The following LHCGR variants were observed in gnomAD, a reference collection of about 807,000 sequenced individuals.
LHCGR encodes lutropin-choriogonadotropic hormone receptor.
Under a neutral mutation model 60.7 loss-of-function variants are expected in LHCGR, and 55 were observed. The observed-to-expected ratio is 0.91, with a 90% confidence interval of 0.73 to 1.13. The LOEUF (loss-of-function observed/expected upper bound fraction) is 1.13, where lower values mean the gene tolerates loss of function less well. Among genes scored for constraint, LHCGR ranks in the 50% most tolerant of loss-of-function variants. LHCGR has a pLI of 0.00. For synonymous variants in LHCGR, 337 were observed against 316.5 expected (o/e 1.06, Z -0.69); for missense variants, 862 against 836.0 (o/e 1.03, Z -0.38).
Position 48,723,615 on chromosome 2 carries a change from T to A in LHCGR, c.458+7A>T, listed in dbSNP as rs186129492. ...CTGTTATGCATAGCAATCAGCCTGG[T>A]ACTTACAGAATGAAATTTGATTCAG... On this transcript the variant is annotated splice_region_variant and intron_variant, in intron 5 of 10. Transcript: ENST00000294954. The A allele has an allele frequency of 5.1e-5, 82 of 1,611,466 alleles. No homozygotes were observed. Among genetic ancestry groups the A allele is most frequent in the Non-Finnish European group, 6.9e-5 (81 of 1,177,566 alleles).
At chr2:48,741,245 G>C (rs1210699897) in intron 1 of LHCGR, among the ~76,000 whole-genome samples, 1 of 152,162 alleles carries the variant, frequency 6.6e-6, no homozygotes, top group Non-Finnish European at 1.5e-5. Context: ...GGGGAGAATG[G>C]AACCAAGTTG....
At chr2:48,715,876 A>G (rs964716424) in intron 6 of LHCGR, among the ~76,000 whole-genome samples, 1 of 152,122 alleles carries the variant, frequency 6.6e-6, no homozygotes, top group Non-Finnish European at 1.5e-5. Flanking sequence ...GGCAGGGGAG[A>G]ATATTTAATT....
intron 1 of LHCGR, 141 bp downstream of exon 1, chr2:48,755,370 C>A (rs759370684): frequency 1.3e-5 from 8 of 623,786 alleles, no homozygotes; most frequent in East Asian, 1.1e-4. Context: ...CACCCTAAAA[C>A]GTGGGGGAAA....
At chr2:48,697,871 G>A (rs1352629885) in intron 9 of LHCGR, among the ~76,000 whole-genome samples, 1 of 152,076 alleles carries the variant, frequency 6.6e-6, no homozygotes, top group Non-Finnish European at 1.5e-5. Flanking sequence ...GAAAATATCA[G>A]CATATTACAT....
At chr2:48,689,070 T>C (rs1156613072) in intron 10 of LHCGR, among the ~76,000 whole-genome samples, 1 of 151,670 alleles carries the variant, frequency 6.6e-6, no homozygotes, top group Non-Finnish European at 1.5e-5. Context: ...CACACATATA[T>C]ACACACATAT....
At chr2:48,731,849 C>T (rs1669007274) in intron 1 of LHCGR, among the ~76,000 whole-genome samples, 1 of 152,134 alleles carries the variant, frequency 6.6e-6, no homozygotes, top group Non-Finnish European at 1.5e-5. Flanking sequence ...ACAGAAGATT[C>T]ATTAAGAACA....
rs936438880 is a variant in LHCGR, at chr2:48,698,748, T to C, written c.733A>G (p.Ile245Val). 1.4e-5 allele frequency: 22 copies of C among 1,614,036 alleles called. No homozygotes were observed. Among genetic ancestry groups the C allele is most frequent in the Non-Finnish European group, 1.8e-5 (21 of 1,179,992 alleles). Residue 245 changes from isoleucine (I) to valine (V), a missense_variant, in exon 9 of 11, where the codon ATT becomes GTT. By Grantham distance (29) the Ile-to-Val change is conservative (BLOSUM62 3). Transcript: ENST00000294954. ...QALPSYGLES[I>V]QRLIATSSYS... The stretch of plus-strand genomic sequence containing the variant: ...GATGACGTGGCAATTAGCCTCTGAA[T>C]GGACTCTAGGCCATAGCTCGGCAGG...
intron 3 of LHCGR, among the ~76,000 whole-genome samples, chr2:48,726,892 C>T (rs1020625539): frequency 2.0e-5 from 3 of 152,170 alleles, no homozygotes; most frequent in South Asian, 2.1e-4. Context: ...GATTTGTCTT[C>T]GGTCACACAG....
intron 7 of LHCGR, 80 bp downstream of exon 7, chr2:48,713,906 G>T: frequency 8.9e-7 from 1 of 1,122,936 alleles, no homozygotes; most frequent in South Asian, 1.3e-5. Context: ...TGAGTTAGTT[G>T]CTGAAGATTG....
At chr2:48,707,923 C>G (rs1196710551) in intron 8 of LHCGR, among the ~76,000 whole-genome samples, 1 of 152,154 alleles carries the variant, frequency 6.6e-6, no homozygotes, top group Non-Finnish European at 1.5e-5. Context: ...CCTCCAGGTA[C>G]AGTCTCTCAC....
chr2:48,714,102 A>G (rs1435954171), intron 6 of LHCGR, 48 bp from the exon 7 acceptor site: 23 of 1,361,838 alleles, frequency 1.7e-5, no homozygotes, highest in Non-Finnish European at 2.4e-5. Flanking sequence ...ACTGAAAGAA[A>G]CAGTTTGGAA....
chr2:48,692,728 C>T (rs1666914911), intron 10 of LHCGR, among the ~76,000 whole-genome samples: 1 of 152,124 alleles, frequency 6.6e-6, no homozygotes, highest in Admixed American at 6.5e-5. Flanking sequence ...GACACATTAT[C>T]TTGGGGAGAA....
chr2:48,695,857 G>A (rs1192716829), intron 9 of LHCGR, among the ~76,000 whole-genome samples: 2 of 152,136 alleles, frequency 1.3e-5, no homozygotes, highest in Non-Finnish European at 2.9e-5. Context: ...ACATAACTGG[G>A]AACATATGAA....
At position 48,729,230 on chromosome 2, in the gene LHCGR, A is replaced by T; in HGVS notation, c.234-3T>A. ...GGGAATCAATCTGAGAGATTTCACT[A>T]GGGAAGAGAGGAGGGGGAAAAAGAG... On this transcript the variant is annotated splice_region_variant and splice_polypyrimidine_tract_variant and intron_variant, in intron 2 of 10. Transcript: ENST00000294954. The T allele has an allele frequency of 6.3e-7, 1 of 1,598,292 alleles. No homozygotes were observed. Among genetic ancestry groups the T allele is most frequent in the Non-Finnish European group, 8.6e-7 (1 of 1,167,948 alleles).
intron 9 of LHCGR, among the ~76,000 whole-genome samples, 200 bp from the exon 10 acceptor site, chr2:48,694,504 G>C (rs559782223): frequency 1.9e-4 from 29 of 152,262 alleles, no homozygotes; most frequent in African/African-American, 6.3e-4. Context: ...TTCCAGCTTA[G>C]ATAAAATGCT....
chr2:48,713,608 G>T (rs898268341), intron 7 of LHCGR, among the ~76,000 whole-genome samples: 4 of 152,140 alleles, frequency 2.6e-5, no homozygotes, highest in African/African-American at 7.2e-5. Flanking sequence ...ACTGGTAAAT[G>T]GTGGTGTTAT....
At chr2:48,709,881 G>A (rs541672392) in intron 7 of LHCGR, among the ~76,000 whole-genome samples, 1 of 152,128 alleles carries the variant, frequency 6.6e-6, no homozygotes, top group Non-Finnish European at 1.5e-5. Flanking sequence ...GAATCCCTGG[G>A]CTCAAGTCTG....
chr2:48,732,999 T>C (rs1333156691), intron 1 of LHCGR: 3 of 530,326 alleles, frequency 5.7e-6, no homozygotes, highest in Non-Finnish European at 1.2e-5. Context: ...CATATTTGCT[T>C]CCTATATTTC....
rs143404304 is a variant in LHCGR at position 48,725,805 on chromosome 2, A to G, written c.309-55T>C. 1.0e-3 allele frequency: 1,409 copies of G among 1,376,400 alleles called. 12 individuals are homozygous for G. The African/African-American group carries it at 0.017, about 16-fold the overall frequency. 85.3% of individuals were successfully genotyped at this position (1,376,400 alleles called of 1,614,324 possible). ...CTGTTTAATAGATGTGTATTGTTTG[A>G]AATGTGTGAGATCATGGTCACCAGA... is the stretch of plus-strand genomic sequence containing the variant. On this transcript the variant is annotated intron_variant, in intron 3 of 10. Transcript: ENST00000294954.
Sources: allele counts gnomAD v4.1 joint callset (sites outside exome capture counted in the v4.1 genomes callset), GRCh38; gene constraint gnomAD v4.1.1; transcripts MANE v1.5; gene names NCBI Gene and HGNC (gene_info 2026-07-23, HGNC 2026-07-21).